TASP1: variants seen among roughly 807,000 people sequenced by gnomAD.
TASP1 encodes the protein threonine aspartase 1.
A neutral mutation model predicts 56.6 loss-of-function variants in TASP1; 16 were observed. That is an observed-to-expected ratio of 0.28 (90% CI 0.19 to 0.43). TASP1 has a LOEUF of 0.43. Among genes scored for constraint, TASP1 ranks in the 20% least tolerant of loss-of-function variants. The pLI is 1.00. For synonymous variants in TASP1, 179 were observed against 184.2 expected (o/e 0.97, Z 0.23); for missense variants, 393 against 511.6 (o/e 0.77, Z 2.24).
Position 13,390,186 on chromosome 20 carries a change from A to T in TASP1, c.*174T>A, listed in dbSNP as rs1194239033. On this transcript the variant is annotated 3_prime_UTR_variant, in exon 14 of 14. Transcript: ENST00000337743. ...CACACACAGTCCCGCTCACCCACCAAAGGCCCGCGTGTCACTAAGCGCTAA... is the reference window on the plus strand; with the variant it reads ...CACACACAGTCCCGCTCACCCACCATAGGCCCGCGTGTCACTAAGCGCTAA... The T allele has an allele frequency of 1.2e-5, 7 of 586,044 alleles. No individual in the cohort carries two copies. The highest frequency in any genetic ancestry group is 1.8e-5 in the Non-Finnish European group (6 of 328,538). The allele number at this position is 586,044 out of a possible 1,614,324, so 36.3% of individuals were successfully genotyped here.
At chr20:13,522,337 C>T (rs1157659567) in intron 10 of TASP1, among the ~76,000 whole-genome samples, 1 of 152,120 alleles carries the variant, frequency 6.6e-6, no homozygotes, top group African/African-American at 2.4e-5. Context: ...AAGAGACCAG[C>T]TAGGAGGCTA....
intron 4 of TASP1, among the ~76,000 whole-genome samples, chr20:13,602,799 C>A (rs2048010930): frequency 6.6e-6 from 1 of 152,178 alleles, no homozygotes; most frequent in Non-Finnish European, 1.5e-5. Flanking sequence ...GCCCACCATT[C>A]CCCTCCTACT....
At chr20:13,127,895 C>T in the TASP1 span, among the ~76,000 whole-genome samples, 6 of 152,048 alleles carry the variant, frequency 3.9e-5, no homozygotes, top group African/African-American at 7.3e-5. Flanking sequence ...GAAAAGAAAA[C>T]GACAGTCCAG....
intron 11 of TASP1, among the ~76,000 whole-genome samples, chr20:13,443,867 G>A (rs1310977842): frequency 1.3e-5 from 2 of 152,124 alleles, no homozygotes; most frequent in South Asian, 2.1e-4. Context: ...AAAACCAAAG[G>A]GGTTAACCCT....
chr20:13,365,822 G>A, the TASP1 span, among the ~76,000 whole-genome samples: 1 of 152,204 alleles, frequency 6.6e-6, no homozygotes, highest in South Asian at 2.1e-4. Flanking sequence ...GTCTTACGAA[G>A]TCTGGCTGTG....
the TASP1 span, among the ~76,000 whole-genome samples, chr20:13,205,479 C>G: frequency 6.6e-6 from 1 of 152,122 alleles, no homozygotes; most frequent in Non-Finnish European, 1.5e-5. Context: ...TTCTAAAAGC[C>G]GAAGAGTTCA....
the TASP1 span, among the ~76,000 whole-genome samples, chr20:13,170,879 C>T: frequency 6.6e-6 from 1 of 152,156 alleles, no homozygotes; most frequent in South Asian, 2.1e-4. Flanking sequence ...AGATCTGAAG[C>T]ATGCGTGGAC....
At chr20:13,632,390 AAAAAG>A (rs959897895) in intron 1 of TASP1, among the ~76,000 whole-genome samples, 2 of 151,880 alleles carry the variant, frequency 1.3e-5, no homozygotes, top group African/African-American at 2.4e-5. Flanking sequence ...GAAAAAAGAA[AAAAAG>A]AAAAGAAAAG....
intron 13 of TASP1, chr20:13,393,409 C>T: frequency 2.6e-6 from 2 of 754,936 alleles, no homozygotes; most frequent in Non-Finnish European, 4.8e-6. Context: ...ATGGACCTGA[C>T]CTACCGTCTG....
intron 1 of TASP1, 47 bp from the exon 2 acceptor site, chr20:13,630,199 CAT>C: frequency 9.8e-7 from 1 of 1,017,390 alleles, no homozygotes; most frequent in Non-Finnish European, 1.4e-6. Flanking sequence ...TCCACCAACA[CAT>C]AAGTTACTTA....
At chr20:13,473,131 T>C (rs1278170007) in intron 11 of TASP1, among the ~76,000 whole-genome samples, 2 of 152,114 alleles carry the variant, frequency 1.3e-5, no homozygotes, top group African/African-American at 4.8e-5. Flanking sequence ...ATGTGGCACA[T>C]ATACACCATG....
intron 4 of TASP1, among the ~76,000 whole-genome samples, chr20:13,590,318 C>T (rs762121184): frequency 6.6e-6 from 1 of 152,082 alleles, no homozygotes; most frequent in Non-Finnish European, 1.5e-5. Context: ...TACTTCAAAC[C>T]CACAAGGATG....
At chr20:13,117,219 C>T in the TASP1 span, among the ~76,000 whole-genome samples, 1 of 152,150 alleles carries the variant, frequency 6.6e-6, no homozygotes, top group Non-Finnish European at 1.5e-5. Flanking sequence ...GTTGGCTTTA[C>T]AAATAAATTG....
intron 11 of TASP1, among the ~76,000 whole-genome samples, chr20:13,466,129 T>C (rs990744210): frequency 3.5e-4 from 53 of 152,270 alleles, no homozygotes; most frequent in African/African-American, 1.2e-3. Flanking sequence ...AACTGGTATA[T>C]AGATTTCTCC....
At chr20:13,552,423 G>A (rs1216508169) in intron 8 of TASP1, among the ~76,000 whole-genome samples, 1 of 152,188 alleles carries the variant, frequency 6.6e-6, no homozygotes, top group Non-Finnish European at 1.5e-5. Context: ...AATGCTGGAA[G>A]TGAAATTCAA....
At chr20:13,459,138 A>G (rs938138125) in intron 11 of TASP1, among the ~76,000 whole-genome samples, 2 of 152,138 alleles carry the variant, frequency 1.3e-5, no homozygotes, top group Admixed American at 1.3e-4. Context: ...TTCATGGTGC[A>G]TGGAGACTAT....
chr20:13,290,457 G>A, the TASP1 span, among the ~76,000 whole-genome samples: 1 of 152,154 alleles, frequency 6.6e-6, no homozygotes, highest in South Asian at 2.1e-4. Flanking sequence ...AGACCATCCT[G>A]GCTAACACGG....
the TASP1 span, among the ~76,000 whole-genome samples, chr20:13,381,074 G>A: frequency 6.6e-6 from 1 of 152,142 alleles, no homozygotes; most frequent in Admixed American, 6.5e-5. Context: ...CCCCTTTCCA[G>A]GGGAGTGAAC....
At chr20:13,461,271 A>C (rs1461223031) in intron 11 of TASP1, among the ~76,000 whole-genome samples, 1 of 151,820 alleles carries the variant, frequency 6.6e-6, no homozygotes, top group African/African-American at 2.4e-5. Context: ...TTTTCTATCC[A>C]CCTTTTGTAC....
Sources: gnomAD v4.1 joint callset for allele counts (sites outside exome capture counted in the v4.1 genomes callset) on GRCh38, gnomAD v4.1.1 for gene constraint, MANE v1.5 for transcripts, NCBI Gene and HGNC (gene_info 2026-07-23, HGNC 2026-07-21) for gene names.